Variants in BMPR1B observed in about 807,000 individuals in gnomAD.
The protein encoded by BMPR1B is bone morphogenetic protein receptor type-1B.
Under a neutral mutation model 59.1 loss-of-function variants are expected in BMPR1B, and 12 were observed. That is an observed-to-expected ratio of 0.20 (90% CI 0.13 to 0.33). BMPR1B has a LOEUF of 0.33. BMPR1B is among the 10% of genes least tolerant of loss of function. The probability of loss-of-function intolerance (pLI) is 1.00; values close to 1 mark genes in which losing one functional copy is unlikely to be tolerated. For missense variants in BMPR1B, 550 were observed against 610.9 expected (o/e 0.90, Z 1.05); for synonymous variants, 237 against 207.3 (o/e 1.14, Z -1.23).
intron 2 of BMPR1B, among the ~76,000 whole-genome samples, chr4:94,910,945 T>A (rs1728248770): frequency 1.3e-5 from 2 of 152,034 alleles, no homozygotes; most frequent in Admixed American, 6.6e-5. Context: ...ACAATTCAGT[T>A]TAAAAATCCT....
chr4:94,993,566 C>A (rs1198132367), intron 2 of BMPR1B, among the ~76,000 whole-genome samples: 2 of 151,694 alleles, frequency 1.3e-5, no homozygotes, highest in Non-Finnish European at 2.9e-5. Context: ...TTGAGACCAG[C>A]CTGGCCAACA....
In BMPR1B at chr4:94,785,960, G is replaced by A. The variant is rs555713859; in HGVS notation, c.-183+27892G>A. On this transcript the variant is annotated intron_variant, in intron 1 of 12. Coordinates refer to ENST00000515059, the MANE Select transcript of BMPR1B (RefSeq NM_001203.3). ...CTTTCCTGAAGTTAGTTCTATGTAT[G>A]ATTATGCTTATTCTCCTCAAGATCT... 5.9e-5 allele frequency among the ~76,000 whole-genome samples: 9 copies of A among 152,278 alleles called. No homozygotes were observed. The East Asian group carries it at 1.7e-3, about 29-fold the overall frequency.
At chr4:95,033,380 A>G (rs978670800) in intron 3 of BMPR1B, among the ~76,000 whole-genome samples, 1 of 151,814 alleles carries the variant, frequency 6.6e-6, no homozygotes, top group Non-Finnish European at 1.5e-5. Context: ...AATGTCATGA[A>G]GCTTTGCCTT....
chr4:94,788,644 T>A (rs2110597865), intron 1 of BMPR1B, among the ~76,000 whole-genome samples: 1 of 152,240 alleles, frequency 6.6e-6, no homozygotes, highest in East Asian at 1.9e-4. Context: ...TTACTAAATC[T>A]CTTTCTAGGC....
At chr4:95,031,957 C>T (rs766243337) in intron 3 of BMPR1B, among the ~76,000 whole-genome samples, 22 of 151,996 alleles carry the variant, frequency 1.4e-4, no homozygotes, top group African/African-American at 5.1e-4. Flanking sequence ...TGTAACATAA[C>T]GATTCTCATC....
chr4:95,148,410 G>GC (rs1553945161), intron 10 of BMPR1B, among the ~76,000 whole-genome samples: 6 of 148,092 alleles, frequency 4.1e-5, no homozygotes, highest in Admixed American at 3.4e-4. Context: ...TATCTTCATT[G>GC]TTTTTTTTTT....
intron 2 of BMPR1B, among the ~76,000 whole-genome samples, chr4:94,994,173 A>G (rs531250469): frequency 6.6e-6 from 1 of 152,358 alleles, no homozygotes; most frequent in Non-Finnish European, 1.5e-5. Flanking sequence ...CTGGTAGGCT[A>G]TCCTACTCTA....
At chr4:95,130,248 G>C (rs1008522756) in intron 9 of BMPR1B, among the ~76,000 whole-genome samples, 194 bp downstream of exon 9, 3 of 152,166 alleles carry the variant, frequency 2.0e-5, no homozygotes, top group Non-Finnish European at 4.4e-5. Flanking sequence ...GCACTTCTGT[G>C]AGTAAGTGGT....
intron 2 of BMPR1B, among the ~76,000 whole-genome samples, chr4:94,887,403 C>CAAAAAAAAAAAAAA (rs57818132): frequency 7.7e-4 from 42 of 54,802 alleles, no homozygotes; most frequent in Non-Finnish European, 9.3e-4. Context: ...CACCCCCCAC[C>CAAAAAAAAAAAAAA]AAAAAAAAAA....
chr4:94,977,519 T>C (rs552356886), intron 2 of BMPR1B, among the ~76,000 whole-genome samples: 1 of 152,074 alleles, frequency 6.6e-6, no homozygotes, highest in Non-Finnish European at 1.5e-5. Flanking sequence ...TTTTGCTGAA[T>C]TTGAAGTTTC....
chr4:94,855,250 C>CT (rs780263204), intron 1 of BMPR1B, among the ~76,000 whole-genome samples: 36 of 152,236 alleles, frequency 2.4e-4, no homozygotes, highest in Non-Finnish European at 4.0e-4. Context: ...TGCCTTCTCT[C>CT]TCATTTTAAG....
intron 4 of BMPR1B, among the ~76,000 whole-genome samples, chr4:95,111,078 G>A (rs934470320): frequency 3.3e-5 from 5 of 152,198 alleles, no homozygotes; most frequent in Middle Eastern, 3.4e-3. Context: ...TGACTAAAAT[G>A]TAAAAGAAAT....
chr4:95,034,959 T>A (rs1181558884), intron 3 of BMPR1B, among the ~76,000 whole-genome samples: 4 of 152,162 alleles, frequency 2.6e-5, no homozygotes, highest in Non-Finnish European at 5.9e-5. Flanking sequence ...TTAAATTTTT[T>A]AATCATGATC....
At chr4:94,907,054 A>T (rs771315397) in intron 2 of BMPR1B, among the ~76,000 whole-genome samples, 1 of 152,068 alleles carries the variant, frequency 6.6e-6, no homozygotes, top group Admixed American at 6.6e-5. Flanking sequence ...ATAAATGTGT[A>T]CATCACAGTT....
At chr4:95,046,171 A>G (rs1314099693) in intron 3 of BMPR1B, among the ~76,000 whole-genome samples, 1 of 152,088 alleles carries the variant, frequency 6.6e-6, no homozygotes, top group Non-Finnish European at 1.5e-5. Flanking sequence ...ACCCTCCCTA[A>G]TAACTGGGAC....
intron 2 of BMPR1B, among the ~76,000 whole-genome samples, chr4:94,887,139 A>G (rs775361615): frequency 2.0e-5 from 3 of 152,008 alleles, no homozygotes; most frequent in Non-Finnish European, 2.9e-5. Flanking sequence ...AAGGAGAACC[A>G]CAAACTTGGA....
intron 3 of BMPR1B, among the ~76,000 whole-genome samples, chr4:95,097,864 T>A (rs749464198): frequency 2.2e-4 from 34 of 152,320 alleles, no homozygotes; most frequent in South Asian, 4.1e-4. Context: ...AACTTTTTTG[T>A]AGATTTTACT....
At chr4:94,892,860 A>G (rs967854249) in intron 2 of BMPR1B, among the ~76,000 whole-genome samples, 4 of 152,182 alleles carry the variant, frequency 2.6e-5, no homozygotes, top group African/African-American at 9.6e-5. Flanking sequence ...TGTCAATGGT[A>G]TGTGAATGTA....
At chr4:94,952,433 G>A (rs944820313) in intron 2 of BMPR1B, among the ~76,000 whole-genome samples, 1 of 152,156 alleles carries the variant, frequency 6.6e-6, no homozygotes, top group African/African-American at 2.4e-5. Flanking sequence ...TTCTTTAGCT[G>A]TGTCCCAGGG....
Sources: gnomAD v4.1 joint callset for allele counts (sites outside exome capture counted in the v4.1 genomes callset) on GRCh38, gnomAD v4.1.1 for gene constraint, MANE v1.5 for transcripts, NCBI Gene and HGNC (gene_info 2026-07-23, HGNC 2026-07-21) for gene names.